Variants in CNTN4 observed in about 807,000 individuals in gnomAD.
The protein encoded by CNTN4 is contactin-4.
A neutral mutation model predicts 122.5 loss-of-function variants in CNTN4; 77 were observed. The observed-to-expected ratio is 0.63, with a 90% confidence interval of 0.52 to 0.76. CNTN4 has a LOEUF of 0.76. CNTN4 is among the 30% of genes least tolerant of loss of function. CNTN4 has a pLI of 0.00. For synonymous variants in CNTN4, 512 were observed against 447.0 expected, an observed-to-expected ratio of 1.15 and a Z score of -1.83; for missense variants, 1,256 against 1,259.1, an observed-to-expected ratio of 1.00 and a Z score of 0.04.
chr3:2,356,264 C>G (rs2044868349), intron 3 of CNTN4, among the ~76,000 whole-genome samples: 1 of 152,150 alleles, frequency 6.6e-6, no homozygotes, highest in Non-Finnish European at 1.5e-5. Context: ...AATGGCTACT[C>G]CATAGGCAGA....
intron 13 of CNTN4, among the ~76,000 whole-genome samples, chr3:2,932,183 C>A (rs1394366812): frequency 6.6e-6 from 1 of 152,090 alleles, no homozygotes. Context: ...CGAGACCATC[C>A]TGGCTAACAC....
At chr3:2,114,818 C>G (rs112155424) in intron 2 of CNTN4, among the ~76,000 whole-genome samples, 1 of 152,136 alleles carries the variant, frequency 6.6e-6, no homozygotes. Context: ...ATCTGCTGAC[C>G]AATATATTTT....
At chr3:2,878,395 C>T (rs1195692123) in intron 8 of CNTN4, among the ~76,000 whole-genome samples, 1 of 152,208 alleles carries the variant, frequency 6.6e-6, no homozygotes, top group East Asian at 1.9e-4. Context: ...AGCATAAACA[C>T]TGCATTCCTA....
At chr3:2,252,302 A>G (rs1022663975) in intron 2 of CNTN4, among the ~76,000 whole-genome samples, 7 of 152,044 alleles carry the variant, frequency 4.6e-5, no homozygotes, top group African/African-American at 1.7e-4. Flanking sequence ...GATCTTCAGC[A>G]AAACATTAGG....
chr3:2,137,235 A>T (rs2034738020), intron 2 of CNTN4, among the ~76,000 whole-genome samples: 1 of 152,212 alleles, frequency 6.6e-6, no homozygotes, highest in South Asian at 2.1e-4. Flanking sequence ...TGTCAATTTC[A>T]TACCTTATAG....
chr3:2,351,769 A>T (rs2044633453), intron 3 of CNTN4, among the ~76,000 whole-genome samples: 1 of 151,394 alleles, frequency 6.6e-6, no homozygotes. Flanking sequence ...AATCTAAAAA[A>T]ACTGAACTCA....
intron 15 of CNTN4, among the ~76,000 whole-genome samples, chr3:3,027,075 A>C (rs540916118): frequency 6.6e-6 from 1 of 152,286 alleles, no homozygotes; most frequent in African/African-American, 2.4e-5. Context: ...GGCTGCTATA[A>C]AAATCTGTCC....
At chr3:2,226,887 A>ACTTTAAT (rs2039304992) in intron 2 of CNTN4, among the ~76,000 whole-genome samples, 1 of 152,100 alleles carries the variant, frequency 6.6e-6, no homozygotes, top group South Asian at 2.1e-4. Context: ...AATATTAACT[A>ACTTTAAT]CTTTAATTTT....
At chr3:2,395,025 C>G (rs62245699) in intron 3 of CNTN4, among the ~76,000 whole-genome samples, 29,082 of 151,964 alleles carry the variant, frequency 0.19, 3,437 homozygotes, top group Middle Eastern at 0.29. Flanking sequence ...GGCCTCAAGT[C>G]ATCTGCCTGC....
chr3:2,879,994 G>A (rs2093888698), intron 8 of CNTN4, among the ~76,000 whole-genome samples: 6 of 152,170 alleles, frequency 3.9e-5, no homozygotes, highest in Admixed American at 3.9e-4. Flanking sequence ...CAGTAAGTAG[G>A]TAAAGGATTC....
intron 8 of CNTN4, among the ~76,000 whole-genome samples, chr3:2,868,423 C>T (rs1289513104): frequency 6.6e-6 from 1 of 152,100 alleles, no homozygotes; most frequent in African/African-American, 2.4e-5. Flanking sequence ...ACAAGAAAAA[C>T]TTGACAAATG....
intron 6 of CNTN4, among the ~76,000 whole-genome samples, chr3:2,817,499 T>C (rs1178172010): frequency 6.6e-6 from 1 of 152,226 alleles, no homozygotes; most frequent in African/African-American, 2.4e-5. Context: ...ACACTTCAAA[T>C]GCCTAAAACT....
At chr3:2,973,591 A>T (rs1355597830) in intron 13 of CNTN4, among the ~76,000 whole-genome samples, 1 of 152,052 alleles carries the variant, frequency 6.6e-6, no homozygotes. Flanking sequence ...TCCTAATCCC[A>T]GGAATTGTCA....
intron 14 of CNTN4, among the ~76,000 whole-genome samples, chr3:2,993,870 T>G (rs1455958958): frequency 1.3e-5 from 2 of 152,232 alleles, no homozygotes; most frequent in East Asian, 3.8e-4. Context: ...GTAGGGAGTT[T>G]TCTTTCCCAG....
intron 15 of CNTN4, among the ~76,000 whole-genome samples, chr3:3,027,546 C>G (rs905415563): frequency 3.3e-5 from 5 of 152,142 alleles, no homozygotes; most frequent in African/African-American, 9.7e-5. Context: ...ATGTCTACCA[C>G]AAAAGAAGTA....
intron 3 of CNTN4, among the ~76,000 whole-genome samples, chr3:2,416,656 C>G (rs1423458938): frequency 2.0e-5 from 3 of 152,020 alleles, no homozygotes; most frequent in Admixed American, 6.6e-5. Context: ...TCCAGTGTCG[C>G]AACTTTCTTT....
chr3:2,289,098 T>C lies in CNTN4; in HGVS notation c.-144-50080T>C, dbSNP rs114964291. On this transcript the variant is annotated intron_variant, in intron 2 of 24. Transcript: ENST00000418658. ...TAGTATAGACTCAAAAGTACATTTC[T>C]TATAAGGCTATACATTTATAGTTTT... is the stretch of plus-strand genomic sequence containing the variant. Among the ~76,000 whole-genome samples the C allele has an allele frequency of 4.6e-3, 695 of 152,328 alleles. 5 individuals are homozygous for C. The highest frequency in any genetic ancestry group is 0.016 in the African/African-American group (667 of 41,576).
intron 13 of CNTN4, among the ~76,000 whole-genome samples, chr3:2,943,036 A>C (rs1577351186): frequency 6.6e-6 from 1 of 152,170 alleles, no homozygotes; most frequent in Non-Finnish European, 1.5e-5. Flanking sequence ...AAGAATAGGG[A>C]GTGCACCTAT....
chr3:2,681,095 G>C (rs1308690679), intron 4 of CNTN4, among the ~76,000 whole-genome samples: 1 of 152,192 alleles, frequency 6.6e-6, no homozygotes, highest in Non-Finnish European at 1.5e-5. Context: ...GTTGTGCCTT[G>C]TATTAATCAT....
Sources: allele counts gnomAD v4.1 joint callset (sites outside exome capture counted in the v4.1 genomes callset), GRCh38; gene constraint gnomAD v4.1.1; transcripts MANE v1.5; gene names NCBI Gene and HGNC (gene_info 2026-07-23, HGNC 2026-07-21).